DYNC2I1: variants seen among roughly 807,000 people sequenced by gnomAD.
DYNC2I1 encodes the protein cytoplasmic dynein 2 intermediate chain 1.
DYNC2I1 carries 89 observed loss-of-function variants against 133.4 expected under a neutral mutation model. That is an observed-to-expected ratio of 0.67 (90% confidence interval 0.56 to 0.80). DYNC2I1 has a LOEUF of 0.80. Ranked by LOEUF, DYNC2I1 falls within the 30% of genes least tolerant of loss-of-function variation. DYNC2I1 has a pLI of 0.00. For synonymous variants in DYNC2I1, 504 were observed against 484.3 expected (o/e 1.04, Z -0.54); for missense variants, 1,291 against 1,314.5 (o/e 0.98, Z 0.28).
At chr7:158,923,843 C>A in intron 17 of DYNC2I1, 110 bp downstream of exon 17, 8 of 1,427,398 alleles carry the variant, frequency 5.6e-6, no homozygotes, top group Non-Finnish European at 7.5e-6. Context: ...TCCCAGAGGA[C>A]GGGGTCTGAC....
At chr7:158,940,576 C>A (rs536833355) in intron 23 of DYNC2I1, among the ~76,000 whole-genome samples, 65 of 152,244 alleles carry the variant, frequency 4.3e-4, no homozygotes, top group African/African-American at 1.4e-3. Flanking sequence ...CAGAATACAC[C>A]ATATCTTAGG....
Position 158,942,049 on chromosome 7 carries a change from C to T in DYNC2I1, c.2903C>T (p.Ala968Val). 6.2e-7 allele frequency: 1 copy of T among 1,613,112 alleles called. No homozygotes were observed. Among genetic ancestry groups the T allele is most frequent in the East Asian group, 2.2e-5 (1 of 44,848 alleles). Residue 968 changes from alanine to valine, a missense_variant, in exon 24 of 25, where the codon GCC becomes GTC. Transcript: ENST00000407559. ...TGLQWSPTRP[A>V]VFLVQDDTSN... ...CTGCAGTGGTCCCCAACCAGGCCTG[C>T]CGTGTTCCTGGTGCAGGACGACACA...
In DYNC2I1 at chr7:158,938,629, A is replaced by T. The variant is rs559483066; in HGVS notation, c.2779-3296A>T. On this transcript the variant is annotated intron_variant, in intron 23 of 24. Transcript: ENST00000407559. ...AAATTAGCCAGATGTGGTGGCGGGC[A>T]CCTGTAATCCCAGCTACTAAGGAAG... 2.0e-5 allele frequency among the ~76,000 whole-genome samples: 3 copies of T among 152,182 alleles called. No individual in the cohort carries two copies. The South Asian group carries it at 6.2e-4, about 32-fold the overall frequency.
chr7:158,929,612 T>G (rs764845049), intron 20 of DYNC2I1, among the ~76,000 whole-genome samples: 14 of 152,240 alleles, frequency 9.2e-5, no homozygotes, highest in Non-Finnish European at 1.9e-4. Flanking sequence ...TCACTGTGGT[T>G]GTGACTGGCA....
chr7:158,927,021 C>T lies in DYNC2I1; in HGVS notation c.2463C>T (p.Ile821=), dbSNP rs1319682037. 11 of 1,603,744 alleles carry T rather than the reference C, an allele frequency of 6.9e-6. No homozygotes were observed. Among genetic ancestry groups the T allele is most frequent in the Middle Eastern group, 1.8e-4 (1 of 5,618 alleles). Residue 821 remains isoleucine (I), a synonymous_variant, in exon 20 of 25, where the codon ATC becomes ATT. Coordinates refer to ENST00000407559, the MANE Select transcript of DYNC2I1 (RefSeq NM_018051.5). ...WVVVELPKAD[I]AGSISDLGLM... ...TTGTTGAATTACCAAAGGCAGACAT[C>T]GCAGGTTCAATAAGTGATTTAGGTA...
At chr7:158,855,780 C>T (rs1370677122), upstream of DYNC2I1, among the ~76,000 whole-genome samples, 1 of 152,044 alleles carries the variant, frequency 6.6e-6, no homozygotes, top group Admixed American at 6.5e-5. Context: ...TGAAGGAGTT[C>T]GGAGGTCCTG....
At chr7:158,877,658 T>C (rs1455253944) in intron 4 of DYNC2I1, among the ~76,000 whole-genome samples, 2 of 152,198 alleles carry the variant, frequency 1.3e-5, no homozygotes, top group East Asian at 3.9e-4. Context: ...TTTACTGTCT[T>C]TTGTTATTTA....
intron 1 of DYNC2I1, among the ~76,000 whole-genome samples, chr7:158,863,112 T>G (rs1842012759): frequency 1.4e-5 from 1 of 69,470 alleles, no homozygotes. Context: ...TTGCCACTGC[T>G]GGCTGGGGGT....
intron 6 of DYNC2I1, among the ~76,000 whole-genome samples, chr7:158,886,668 A>G (rs544978270): frequency 1.1e-4 from 16 of 152,284 alleles, no homozygotes; most frequent in African/African-American, 2.9e-4. Context: ...CAGTGGCACA[A>G]TCATGGCTCA....
At chr7:158,894,363 T>G (rs1028337336) in intron 8 of DYNC2I1, among the ~76,000 whole-genome samples, 4 of 152,232 alleles carry the variant, frequency 2.6e-5, no homozygotes, top group African/African-American at 4.8e-5. Context: ...CGTTTTGCTT[T>G]CTCAGCATTG....
chr7:158,915,054 C>G (rs894562568), intron 14 of DYNC2I1, among the ~76,000 whole-genome samples: 18 of 128,678 alleles, frequency 1.4e-4, no homozygotes, highest in African/African-American at 3.9e-4. Context: ...CCTCAACACG[C>G]TAGTTGAGAT....
In DYNC2I1 at chr7:158,909,875, ATCC is replaced by A. The variant is rs1348668715; in HGVS notation, c.1461-1673_1461-1671del. Among the ~76,000 whole-genome samples, 6 of 152,298 alleles carry A rather than the reference ATCC, an allele frequency of 3.9e-5. No homozygotes were observed. The South Asian group carries it at 1.0e-3, about 26-fold the overall frequency. On this transcript the variant is annotated intron_variant, in intron 11 of 24. Coordinates refer to ENST00000407559, the MANE Select transcript of DYNC2I1 (RefSeq NM_018051.5). Reference sequence around the variant, plus strand: ...CCGGTGGGAGAATTTCTGATAAAACATCCTAGGTTTTGGTCGAGCCTCCTGCAG... The same window carrying A: ...CCGGTGGGAGAATTTCTGATAAAACATAGGTTTTGGTCGAGCCTCCTGCAG...
chr7:158,843,187 C>T, the DYNC2I1 span, among the ~76,000 whole-genome samples: 4 of 152,136 alleles, frequency 2.6e-5, no homozygotes, highest in African/African-American at 4.8e-5. Context: ...GTCCACCTCC[C>T]GGGTTCAAGT....
rs146477663 is a variant in DYNC2I1, at chr7:158,875,332, A to C, written c.491-1277A>C. ...CTAATCTTGAACTCCTGACTTCGTG[A>C]TCCACCTGCCTCGGCCTCCCAAAGT... On this transcript the variant is annotated intron_variant, in intron 3 of 24. Transcript: ENST00000407559. Among the ~76,000 whole-genome samples, 614 of 152,122 alleles carry C rather than the reference A, an allele frequency of 4.0e-3. 9 individuals are homozygous for C. The highest frequency in any genetic ancestry group is 0.014 in the African/African-American group (560 of 41,472).
Position 158,914,310 on chromosome 7 carries a change from G to T in DYNC2I1, c.1780G>T (p.Ala594Ser). 1.9e-6 allele frequency: 3 copies of T among 1,610,836 alleles called. No homozygotes were observed. Among genetic ancestry groups the T allele is most frequent in the Non-Finnish European group, 2.5e-6 (3 of 1,178,360 alleles). ...TCCAAGGTTATGTAGCTTTCTGCGGGCTGCTTGTCAGGTATACTCAACCTA... is the reference window on the plus strand; with the variant it reads ...TCCAAGGTTATGTAGCTTTCTGCGGTCTGCTTGTCAGGTATACTCAACCTA... The part of the protein sequence containing the change: ...DTPRLCSFLR[A>S]ACQVMAVLLE... The change falls in exon 14 of 25, where the codon GCT becomes TCT. Residue 594 changes from alanine (A) to serine (S), a missense_variant. Transcript: ENST00000407559.
chr7:158,897,971 A>G (rs1242004803), intron 8 of DYNC2I1, among the ~76,000 whole-genome samples: 2 of 152,142 alleles, frequency 1.3e-5, no homozygotes, highest in Admixed American at 6.5e-5. Flanking sequence ...ATGCTTTTAC[A>G]TTTCTCTTGA....
In DYNC2I1 at chr7:158,934,458, C is replaced by G; in HGVS notation, c.2687C>G (p.Ala896Gly). 1 of 1,595,760 alleles carries G rather than the reference C, an allele frequency of 6.3e-7. No homozygotes were observed. Among genetic ancestry groups the G allele is most frequent in the Non-Finnish European group, 8.5e-7 (1 of 1,170,638 alleles). Reference sequence around the variant, plus strand: ...GGCACAAGACAAGATTTGAGAGTGGCTCCCAAACTATTCAAACCTCAGCAA... The same window carrying G: ...GGCACAAGACAAGATTTGAGAGTGGGTCCCAAACTATTCAAACCTCAGCAA... ...SHGTRQDLRV[A>G]PKLFKPQQHG... Residue 896 changes from alanine to glycine, a missense_variant, in exon 23 of 25, where the codon GCT becomes GGT. Ala to Gly is a moderately conservative substitution (Grantham distance 60). Coordinates refer to ENST00000407559, the MANE Select transcript of DYNC2I1 (RefSeq NM_018051.5).
chr7:158,917,456 G>T (rs1585159570), intron 14 of DYNC2I1, among the ~76,000 whole-genome samples: 1 of 33,282 alleles, frequency 3.0e-5, no homozygotes, highest in African/African-American at 1.5e-4. Flanking sequence ...AACACCTCCT[G>T]TCCTCCACAC....
intron 7 of DYNC2I1, among the ~76,000 whole-genome samples, chr7:158,888,019 CTTTTTTTTTTTTT>C (rs545903783): frequency 3.1e-5 from 3 of 96,596 alleles, no homozygotes; most frequent in Middle Eastern, 0.011. Flanking sequence ...AACCATTGTC[CTTTTTTTTTTTTT>C]TTTTTTTTTT....
Sources: allele counts gnomAD v4.1 joint callset (sites outside exome capture counted in the v4.1 genomes callset), GRCh38; gene constraint gnomAD v4.1.1; transcripts MANE v1.5; gene names NCBI Gene and HGNC (gene_info 2026-07-23, HGNC 2026-07-21).